EXT1: variants seen among roughly 807,000 people sequenced by gnomAD.
The protein encoded by EXT1 is exostosin-1.
In EXT1, 20 loss-of-function variants were observed where a neutral mutation model predicts 82.5. The ratio of observed to expected loss-of-function variants is 0.24; its 90% CI spans 0.17 to 0.35. The LOEUF is 0.35. Ranked by LOEUF, EXT1 falls within the 10% of genes least tolerant of loss-of-function variation. The pLI, the probability that EXT1 is intolerant of heterozygous loss-of-function variation, is 1.00. For missense variants in EXT1, 757 were observed against 936.5 expected (o/e 0.81, Z 2.50); for synonymous variants, 348 against 350.8 (o/e 0.99, Z 0.09).
At chr8:117,989,934 G>A (rs1044383072) in intron 1 of EXT1, among the ~76,000 whole-genome samples, 4 of 152,154 alleles carry the variant, frequency 2.6e-5, no homozygotes, top group Non-Finnish European at 4.4e-5. Context: ...AGTGGCTCAC[G>A]CCTATAATTC....
chr8:118,000,723 T>C (rs906650079), intron 1 of EXT1, among the ~76,000 whole-genome samples: 2 of 152,194 alleles, frequency 1.3e-5, no homozygotes, highest in Admixed American at 6.5e-5. Flanking sequence ...CAATGTCTTC[T>C]TGCAATTCCC....
At chr8:117,969,890 TG>T (rs1814903709) in intron 1 of EXT1, among the ~76,000 whole-genome samples, 1 of 152,222 alleles carries the variant, frequency 6.6e-6, no homozygotes, top group Non-Finnish European at 1.5e-5. Flanking sequence ...GTAGGGTCAC[TG>T]ACAGGATTGA....
At chr8:118,045,584 C>CTTT (rs1395132842) in intron 1 of EXT1, among the ~76,000 whole-genome samples, 1 of 152,122 alleles carries the variant, frequency 6.6e-6, no homozygotes, top group East Asian at 1.9e-4. Context: ...ATTCATCATC[C>CTTT]TTTTCCCTTT....
chr8:117,837,781 T>G (rs184210987), intron 1 of EXT1, among the ~76,000 whole-genome samples: 1 of 148,682 alleles, frequency 6.7e-6, no homozygotes, highest in Admixed American at 6.8e-5. Context: ...CTGACATAAC[T>G]CACAGGAGAA....
intron 1 of EXT1, among the ~76,000 whole-genome samples, chr8:118,064,174 T>A (rs890993764): frequency 6.6e-6 from 1 of 152,064 alleles, no homozygotes; most frequent in African/African-American, 2.4e-5. Flanking sequence ...GCTACACACT[T>A]TTTTTCTTTT....
chr8:117,894,829 C>T (rs1813308023), intron 1 of EXT1, among the ~76,000 whole-genome samples: 1 of 152,138 alleles, frequency 6.6e-6, no homozygotes, highest in Non-Finnish European at 1.5e-5. Context: ...TAAATAAGGC[C>T]GCCTCCCTTC....
chr8:118,047,047 G>A (rs1245748058), intron 1 of EXT1, among the ~76,000 whole-genome samples: 2 of 152,192 alleles, frequency 1.3e-5, no homozygotes, highest in African/African-American at 4.8e-5. Flanking sequence ...CCTAAGGAGG[G>A]TAATTCATTT....
At chr8:117,961,138 CTCCTTCCT>C (rs1318107111) in intron 1 of EXT1, among the ~76,000 whole-genome samples, 4 of 151,926 alleles carry the variant, frequency 2.6e-5, no homozygotes, top group Admixed American at 6.6e-5. Flanking sequence ...CCCTCCTTCC[CTCCTTCCT>C]TCCTTCCCTC....
At chr8:118,004,746 G>A (rs920773639) in intron 1 of EXT1, among the ~76,000 whole-genome samples, 1 of 152,156 alleles carries the variant, frequency 6.6e-6, no homozygotes, top group African/African-American at 2.4e-5. Context: ...CCCCATGCCT[G>A]GATGCAATTA....
chr8:117,928,293 T>C lies in EXT1; in HGVS notation c.963-91092A>G, dbSNP rs137978365. ...TTCTATTTGAATGAGTGTGATGAAC[T>C]AGGGTGGGAGTCTGTCTGCCCAGCC... On this transcript the variant is annotated intron_variant, in intron 1 of 10. Coordinates refer to ENST00000378204, the MANE Select transcript of EXT1 (RefSeq NM_000127.3). Among the ~76,000 whole-genome samples, 1,108 of 152,316 alleles carry C rather than the reference T, an allele frequency of 7.3e-3. 16 individuals carry two copies. The highest frequency in any genetic ancestry group is 0.042 in the Admixed American group (638 of 15,290).
chr8:118,014,678 G>A (rs1209141986), intron 1 of EXT1, among the ~76,000 whole-genome samples: 2 of 152,044 alleles, frequency 1.3e-5, no homozygotes, highest in African/African-American at 4.8e-5. Context: ...GGGCTCAAGT[G>A]ATCCCCTCGC....
chr8:117,920,520 C>T (rs1176400149), intron 1 of EXT1, among the ~76,000 whole-genome samples: 1 of 152,120 alleles, frequency 6.6e-6, no homozygotes, highest in Non-Finnish European at 1.5e-5. Context: ...CTCCTAAGCA[C>T]GGGCAACATT....
intron 1 of EXT1, among the ~76,000 whole-genome samples, chr8:117,889,863 T>G (rs546726303): frequency 6.6e-6 from 1 of 152,310 alleles, no homozygotes; most frequent in East Asian, 1.9e-4. Context: ...CTTTACAGCA[T>G]AGAATAACCA....
intron 1 of EXT1, among the ~76,000 whole-genome samples, chr8:117,933,492 G>A (rs1252667660): frequency 2.0e-5 from 3 of 152,108 alleles, no homozygotes; most frequent in East Asian, 1.9e-4. Context: ...GGGATCCACC[G>A]GCCTTGGCCT....
chr8:118,012,206 G>A (rs960568915), intron 1 of EXT1, among the ~76,000 whole-genome samples: 1 of 152,226 alleles, frequency 6.6e-6, no homozygotes, highest in Admixed American at 6.5e-5. Context: ...CAGGCCAGAT[G>A]CCAGTTTTCG....
At chr8:117,837,313 C>T in intron 1 of EXT1, 112 bp from the exon 2 acceptor site, 1 of 831,764 alleles carries the variant, frequency 1.2e-6, no homozygotes, top group Non-Finnish European at 2.1e-6. Flanking sequence ...CTCGGGAAAG[C>T]CACCAGCAGG....
chr8:118,060,144 T>G (rs1359244799), intron 1 of EXT1, among the ~76,000 whole-genome samples: 1 of 152,136 alleles, frequency 6.6e-6, no homozygotes, highest in African/African-American at 2.4e-5. Context: ...TAAAAATGAG[T>G]AAGTGACTTC....
At chr8:117,980,726 TTTTTTCC>T (rs1815179513) in intron 1 of EXT1, among the ~76,000 whole-genome samples, 1 of 142,612 alleles carries the variant, frequency 7.0e-6, no homozygotes, top group African/African-American at 2.7e-5. Context: ...TTTTTTTTTT[TTTTTTCC>T]AGTGTGAGTT....
rs1816138886 is a variant in EXT1, at chr8:118,023,009, C to G, written c.962+87076G>C. Among the ~76,000 whole-genome samples, 3 of 152,330 alleles carry G rather than the reference C, an allele frequency of 2.0e-5. No homozygotes were observed. In the South Asian group the frequency reaches 6.2e-4, roughly 32 times the overall value. On this transcript the variant is annotated intron_variant, in intron 1 of 10. Coordinates refer to ENST00000378204, the MANE Select transcript of EXT1 (RefSeq NM_000127.3). ...GAACAGGTGGTTAGAGGATTCATATCTGTAGCTTCTGTCTGGTGTCATAAA... is the reference window on the plus strand; with the variant it reads ...GAACAGGTGGTTAGAGGATTCATATGTGTAGCTTCTGTCTGGTGTCATAAA...
Sources: gnomAD v4.1 joint callset for allele counts (sites outside exome capture counted in the v4.1 genomes callset) on GRCh38, gnomAD v4.1.1 for gene constraint, MANE v1.5 for transcripts, NCBI Gene and HGNC (gene_info 2026-07-23, HGNC 2026-07-21) for gene names.